Variants in KIF16B observed in about 807,000 individuals in gnomAD.
The protein encoded by KIF16B is kinesin-like protein KIF16B.
In KIF16B, 98 loss-of-function variants were observed where a neutral mutation model predicts 156.3. That is an observed-to-expected ratio of 0.63 (90% CI 0.53 to 0.74). The LOEUF is 0.74. Among genes scored for constraint, KIF16B ranks in the 30% least tolerant of loss-of-function variants. KIF16B has a pLI of 0.00. For synonymous variants in KIF16B, 564 were observed against 583.7 expected (o/e 0.97, Z 0.49); for missense variants, 1,421 against 1,606.5 (o/e 0.88, Z 1.97).
chr20:16,505,750 T>C lies in KIF16B; in HGVS notation c.972A>G (p.Gly324=). The C allele has an allele frequency of 6.2e-7, 1 of 1,613,894 alleles. No homozygotes were observed. The highest frequency in any genetic ancestry group is 8.5e-7 in the Non-Finnish European group (1 of 1,179,822). The change falls in exon 9 of 26, where the codon GGA becomes GGG. Residue 324 remains glycine, a synonymous_variant. Coordinates refer to ENST00000354981, the MANE Select transcript of KIF16B (RefSeq NM_024704.5). ...CAATCATGATAGTTTTAGAGTTTCC[T>C]CCAAGGCTATCTTTTAACAACCAAG... ...VLTWLLKDSL[G]GNSKTIMIAT...
chr20:16,505,384 A>T (rs1332738430), intron 9 of KIF16B, among the ~76,000 whole-genome samples: 3 of 152,184 alleles, frequency 2.0e-5, no homozygotes, highest in Admixed American at 1.3e-4. Flanking sequence ...TGCCTTAAAT[A>T]AAAAAACAAA....
intron 23 of KIF16B, among the ~76,000 whole-genome samples, chr20:16,336,338 A>G (rs2064036677): frequency 6.6e-6 from 1 of 152,172 alleles, no homozygotes; most frequent in Admixed American, 6.5e-5. Flanking sequence ...AAGAGGAAAA[A>G]AATCTCACTG....
chr20:16,422,935 A>G (rs1211734321), intron 15 of KIF16B, among the ~76,000 whole-genome samples: 17 of 152,162 alleles, frequency 1.1e-4, no homozygotes. Context: ...CACATAGTAA[A>G]AAGACACTCC....
At chr20:16,326,132 C>T (rs1328989629) in intron 24 of KIF16B, among the ~76,000 whole-genome samples, 1 of 151,880 alleles carries the variant, frequency 6.6e-6, no homozygotes, top group African/African-American at 2.4e-5. Flanking sequence ...AGCTCTCATC[C>T]TATATGCAAA....
chr20:16,365,931 A>C (rs528646540), intron 22 of KIF16B, among the ~76,000 whole-genome samples: 1 of 152,246 alleles, frequency 6.6e-6, no homozygotes, highest in Admixed American at 6.5e-5. Context: ...GCTGAGCAAG[A>C]CAGAAGCACG....
chr20:16,395,296 G>GAAGATATGAAA (rs2065470638), intron 17 of KIF16B, among the ~76,000 whole-genome samples: 1 of 32,882 alleles, frequency 3.0e-5, no homozygotes, highest in Non-Finnish European at 6.5e-5. Flanking sequence ...GGCCAAGGGA[G>GAAGATATGAAA]GGGAGGGGAG....
intron 12 of KIF16B, among the ~76,000 whole-genome samples, chr20:16,431,645 C>T (rs1045019293): frequency 1.3e-5 from 2 of 152,046 alleles, no homozygotes; most frequent in Non-Finnish European, 1.5e-5. Flanking sequence ...GCACCCCTTG[C>T]CTCTACCCAA....
At chr20:16,349,706 G>GC (rs1279182660) in intron 23 of KIF16B, among the ~76,000 whole-genome samples, 2 of 152,204 alleles carry the variant, frequency 1.3e-5, no homozygotes, top group Non-Finnish European at 2.9e-5. Flanking sequence ...TCAGTCCCTG[G>GC]CCCCACGGTG....
At chr20:16,463,721 C>T (rs974901625) in intron 12 of KIF16B, among the ~76,000 whole-genome samples, 12 of 152,098 alleles carry the variant, frequency 7.9e-5, no homozygotes, top group African/African-American at 1.9e-4. Flanking sequence ...GTAAACTTCC[C>T]AGAAATTGAG....
Position 16,494,300 on chromosome 20 carries a change from A to T in KIF16B, c.1293T>A (p.Asn431Lys). The T allele has an allele frequency of 6.3e-7, 1 of 1,598,396 alleles. No individual in the cohort carries two copies. The highest frequency in any genetic ancestry group is 1.3e-5 in the African/African-American group (1 of 74,448). ...TTTTTCTAGTCCTTACTTTCAAAAT[A>T]TTTTGGGTTTCATTCCACTTATTTG... is the stretch of plus-strand genomic sequence containing the variant. ...EWTNKWNETQ[N>K]ILKEQTLALR... Residue 431 changes from asparagine (N) to lysine (K), a missense_variant, in exon 12 of 26, where the codon AAT becomes AAA. Asn to Lys is a moderately conservative substitution (Grantham distance 94). Transcript: ENST00000354981.
At chr20:16,506,911 A>G (rs1209965832) in intron 7 of KIF16B, among the ~76,000 whole-genome samples, 2 of 151,486 alleles carry the variant, frequency 1.3e-5, no homozygotes, top group African/African-American at 4.9e-5. Flanking sequence ...CCTGGGCATC[A>G]TAGTGAGACA....
In KIF16B at chr20:16,497,665, T is replaced by C; in HGVS notation, c.1190A>G (p.Asp397Gly). Residue 397 changes from aspartate (D) to glycine (G), a missense_variant, in exon 11 of 26, where the codon GAC becomes GGC. Asp to Gly is a moderately conservative substitution (Grantham distance 94, BLOSUM62 -1). Coordinates refer to ENST00000354981, the MANE Select transcript of KIF16B (RefSeq NM_024704.5). ...LAQGNQIALL[D>G]SPTALSMEEK... ...CTCCATACTTAAAGCTGTGGGGGAG[T>C]CTAAGAGGGCAATCTACAATATAAA... 2 of 1,609,302 alleles carry C rather than the reference T, an allele frequency of 1.2e-6. No individual in the cohort carries two copies. Among genetic ancestry groups the C allele is most frequent in the Admixed American group, 3.3e-5 (2 of 59,932 alleles).
At chr20:16,496,673 T>C (rs538911947) in intron 11 of KIF16B, among the ~76,000 whole-genome samples, 1 of 152,362 alleles carries the variant, frequency 6.6e-6, no homozygotes, top group South Asian at 2.1e-4. Context: ...TGAAAACTAT[T>C]GTTAAGAAAC....
rs532246192 is a variant in KIF16B, at chr20:16,485,039, C to G, written c.1302+9252G>C. 6.9e-4 allele frequency among the ~76,000 whole-genome samples: 105 copies of G among 152,310 alleles called. No individual in the cohort carries two copies. The Middle Eastern group carries it at 0.01, about 15-fold the overall frequency. On this transcript the variant is annotated intron_variant, in intron 12 of 25. Coordinates refer to ENST00000354981, the MANE Select transcript of KIF16B (RefSeq NM_024704.5). ...CCATGACTACCTTTAGCCAATGAGG[C>G]ATTAGCAAATGAGATGCAACTGAAA...
At chr20:16,455,590 T>C (rs1046913285) in intron 12 of KIF16B, among the ~76,000 whole-genome samples, 3 of 152,190 alleles carry the variant, frequency 2.0e-5, no homozygotes, top group South Asian at 4.1e-4. Context: ...AAATAGTTCA[T>C]GGGCACTAAA....
chr20:16,414,521 T>A (rs1283170051), intron 15 of KIF16B, among the ~76,000 whole-genome samples: 6 of 152,178 alleles, frequency 3.9e-5, no homozygotes, highest in African/African-American at 1.4e-4. Flanking sequence ...AACCTCTGTT[T>A]ACCCTTAGTA....
chr20:16,460,287 C>A (rs552828583), intron 12 of KIF16B, among the ~76,000 whole-genome samples: 1 of 152,122 alleles, frequency 6.6e-6, no homozygotes, highest in African/African-American at 2.4e-5. Flanking sequence ...ACAAAAACAC[C>A]ATGAGCACCC....
chr20:16,275,443 C>T (rs1419712566), intron 25 of KIF16B, among the ~76,000 whole-genome samples: 2 of 150,902 alleles, frequency 1.3e-5, no homozygotes, highest in African/African-American at 4.9e-5. Context: ...TATTTGCATC[C>T]CCTTCAAAAG....
chr20:16,304,040 T>C (rs2063508238), intron 25 of KIF16B, among the ~76,000 whole-genome samples: 1 of 152,184 alleles, frequency 6.6e-6, no homozygotes. Context: ...TTTGATTCCC[T>C]GAGTGGTTAG....
Sources: allele counts gnomAD v4.1 joint callset (sites outside exome capture counted in the v4.1 genomes callset), GRCh38; gene constraint gnomAD v4.1.1; transcripts MANE v1.5; gene names NCBI Gene and HGNC (gene_info 2026-07-23, HGNC 2026-07-21).